Variants in KALRN observed in about 807,000 individuals in gnomAD.
The protein encoded by KALRN is kalirin RhoGEF kinase.
KALRN carries 70 observed loss-of-function variants against 353.7 expected under a neutral mutation model. The observed-to-expected ratio is 0.20, with a 90% CI of 0.16 to 0.24. The LOEUF is 0.24. Ranked by LOEUF, KALRN falls within the 10% of genes least tolerant of loss-of-function variation. The pLI is 1.00. For synonymous variants in KALRN, 1,391 were observed against 1,434.8 expected (o/e 0.97, Z 0.69); for missense variants, 2,791 against 3,756.7 (o/e 0.74, Z 6.72).
intron 1 of KALRN, among the ~76,000 whole-genome samples, chr3:124,140,911 A>G (rs2066542248): frequency 2.0e-5 from 3 of 152,124 alleles, no homozygotes; most frequent in African/African-American, 7.2e-5. Flanking sequence ...TGATTATTTC[A>G]TTTGGATATC....
chr3:124,719,363 A>G lies in KALRN; in HGVS notation c.8854A>G (p.Thr2952Ala), dbSNP rs764326162. 6.2e-7 allele frequency: 1 copy of G among 1,614,052 alleles called. No homozygotes were observed. Among genetic ancestry groups the G allele is most frequent in the Non-Finnish European group, 8.5e-7 (1 of 1,180,002 alleles). ...NGSYSKIPLD[T>A]SRLACFIERR... is the part of the protein sequence containing the mutation. ...CAGCTACTCTAAGATCCCCCTGGAC[A>G]CCTCCCGCCTAGCATGCTTCATAGA... is the stretch of plus-strand genomic sequence containing the variant. The change falls in exon 60 of 60, where the codon ACC becomes GCC. Residue 2952 changes from threonine to alanine, a missense_variant. Transcript: ENST00000682506. The surrounding 1 kb of genome is among the most constrained non-coding windows in gnomAD (Gnocchi z 5.3).
At chr3:124,593,034 T>A (rs966469265) in intron 34 of KALRN, among the ~76,000 whole-genome samples, 1 of 152,236 alleles carries the variant, frequency 6.6e-6, no homozygotes, top group African/African-American at 2.4e-5. Flanking sequence ...AGGTATGTGC[T>A]CTTCCCAGCG....
chr3:124,628,246 CTTCTTCTTTCCTTCCCTCCTTCCCTCCT>C (rs2080252808), intron 34 of KALRN, among the ~76,000 whole-genome samples: 1 of 25,508 alleles, frequency 3.9e-5, no homozygotes, highest in Admixed American at 3.6e-4. Context: ...CCCTCCCTCC[CTTCTTCTTTCCTTCCCTCCTTCCCTCCT>C]TCCTTCCTTC....
intron 57 of KALRN, among the ~76,000 whole-genome samples, chr3:124,708,441 A>G (rs1209702649): frequency 6.6e-6 from 1 of 152,224 alleles, no homozygotes; most frequent in African/African-American, 2.4e-5. Flanking sequence ...AATAGAAATG[A>G]TTTTTAAATT....
At chr3:124,180,325 T>G (rs1275165447) in intron 1 of KALRN, among the ~76,000 whole-genome samples, 1 of 152,232 alleles carries the variant, frequency 6.6e-6, no homozygotes, top group Non-Finnish European at 1.5e-5. Flanking sequence ...GCTATAGAGC[T>G]TTCCATTAGG....
At chr3:124,642,428 T>G (rs1369570283) in intron 37 of KALRN, among the ~76,000 whole-genome samples, 1 of 152,180 alleles carries the variant, frequency 6.6e-6, no homozygotes, top group Non-Finnish European at 1.5e-5. Context: ...AATAATCCTC[T>G]GCCTTTAGGG....
At chr3:124,097,500 G>A (rs549177504) in intron 1 of KALRN, among the ~76,000 whole-genome samples, 5 of 152,348 alleles carry the variant, frequency 3.3e-5, no homozygotes, top group South Asian at 2.1e-4. Context: ...AGTGGGAACT[G>A]ATGAGTTTAT....
chr3:124,305,705 T>TAG (rs35315064), intron 6 of KALRN, among the ~76,000 whole-genome samples: 95,322 of 151,580 alleles, frequency 0.63, 30,192 homozygotes, highest in South Asian at 0.78. Context: ...GGAGTGGGAA[T>TAG]ATTTCAATAA....
At chr3:124,286,966 C>T (rs1040540721) in intron 5 of KALRN, among the ~76,000 whole-genome samples, 1 of 152,110 alleles carries the variant, frequency 6.6e-6, no homozygotes. Context: ...ATCTTAAAGT[C>T]TTATTCAAGA....
intron 6 of KALRN, among the ~76,000 whole-genome samples, chr3:124,299,612 T>C (rs886065925): frequency 2.0e-5 from 3 of 152,192 alleles, no homozygotes; most frequent in Non-Finnish European, 4.4e-5. Context: ...CTCTCTATGC[T>C]TCAGTTTCCT....
intron 1 of KALRN, among the ~76,000 whole-genome samples, chr3:124,209,659 G>A (rs577106833): frequency 1.3e-5 from 2 of 152,170 alleles, no homozygotes; most frequent in South Asian, 2.1e-4. Context: ...TTATAGGGTA[G>A]AGATAGGAAA....
chr3:124,361,975 T>C (rs9867303), intron 10 of KALRN, among the ~76,000 whole-genome samples: 4,190 of 152,138 alleles, frequency 0.028, 201 homozygotes, highest in African/African-American at 0.095. Flanking sequence ...AGGTGTGATT[T>C]GAGGTGGGCA....
intron 5 of KALRN, among the ~76,000 whole-genome samples, chr3:124,282,657 A>G (rs1196772433): frequency 6.6e-6 from 1 of 152,192 alleles, no homozygotes; most frequent in East Asian, 1.9e-4. Flanking sequence ...GATTACAGGC[A>G]TGAGCCACCA....
At chr3:124,620,463 T>G (rs915547228) in intron 34 of KALRN, among the ~76,000 whole-genome samples, 2 of 152,128 alleles carry the variant, frequency 1.3e-5, no homozygotes, top group African/African-American at 4.8e-5. Flanking sequence ...ACTCCACAGT[T>G]TAGAAAAAAT....
intron 1 of KALRN, among the ~76,000 whole-genome samples, chr3:124,190,374 A>G (rs2074772742): frequency 6.6e-6 from 1 of 152,066 alleles, no homozygotes; most frequent in African/African-American, 2.4e-5. Flanking sequence ...CCTTCCCACC[A>G]TCACTATTTC....
chr3:124,457,635 C>T (rs1417218841), intron 23 of KALRN, among the ~76,000 whole-genome samples: 3 of 152,290 alleles, frequency 2.0e-5, no homozygotes, highest in South Asian at 2.1e-4. Context: ...CTTTCTATCG[C>T]TTCTTTCAGG....
intron 57 of KALRN, among the ~76,000 whole-genome samples, chr3:124,702,936 A>C (rs961851970): frequency 2.6e-4 from 40 of 152,222 alleles, no homozygotes; most frequent in African/African-American, 9.2e-4. Context: ...GTCTATGGGA[A>C]AGAAACAAAA....
intron 10 of KALRN, among the ~76,000 whole-genome samples, chr3:124,377,123 AAAACATTGTTT>A (rs1309868416): frequency 6.6e-6 from 1 of 152,182 alleles, no homozygotes; most frequent in East Asian, 1.9e-4. Flanking sequence ...TTCTAGTTAT[AAAACATTGTTT>A]AAACAAGTTA....
chr3:124,543,301 G>A (rs535189623), intron 33 of KALRN, among the ~76,000 whole-genome samples: 6 of 151,696 alleles, frequency 4.0e-5, no homozygotes, highest in Admixed American at 1.3e-4. Flanking sequence ...AAAAATTTAC[G>A]GACTTTTTTT....
Sources: gnomAD v4.1 joint callset for allele counts (sites outside exome capture counted in the v4.1 genomes callset) on GRCh38, gnomAD v4.1.1 for gene constraint, Gnocchi (gnomAD v3.1) non-coding constraint, MANE v1.5 for transcripts, NCBI Gene and HGNC (gene_info 2026-07-23, HGNC 2026-07-21) for gene names.